The following SAMD12 variants were observed in gnomAD, a reference collection of about 807,000 sequenced individuals.
The protein encoded by SAMD12 is sterile alpha motif domain-containing protein 12.
SAMD12 carries 9 observed loss-of-function variants against 15.0 expected under a neutral mutation model. The ratio of observed to expected loss-of-function variants is 0.60; its 90% CI spans 0.36 to 1.05. SAMD12 has a LOEUF of 1.05. SAMD12 is among the 50% of genes least tolerant of loss of function. The pLI is 0.01. For synonymous variants in SAMD12, 86 were observed against 90.1 expected, an observed-to-expected ratio of 0.96 and a Z score of 0.25; for missense variants, 230 against 234.2, an observed-to-expected ratio of 0.98 and a Z score of 0.12.
chr8:118,584,397 T>C (rs1267979962), intron 1 of SAMD12, among the ~76,000 whole-genome samples: 1 of 152,188 alleles, frequency 6.6e-6, no homozygotes, highest in African/African-American at 2.4e-5. Flanking sequence ...CTTTTTTGTG[T>C]TCATCACTGC....
intron 1 of SAMD12, among the ~76,000 whole-genome samples, chr8:118,598,613 C>T (rs1001129337): frequency 1.3e-5 from 2 of 152,198 alleles, no homozygotes; most frequent in South Asian, 2.1e-4. Context: ...TTTATTTGAG[C>T]ACCTAGGTTG....
At chr8:118,595,524 G>A (rs1376827545) in intron 1 of SAMD12, among the ~76,000 whole-genome samples, 1 of 152,078 alleles carries the variant, frequency 6.6e-6, no homozygotes, top group Non-Finnish European at 1.5e-5. Context: ...TCAGGGAGAA[G>A]GGAAAAAAAA....
intron 1 of SAMD12, among the ~76,000 whole-genome samples, chr8:118,586,175 C>T (rs1002204716): frequency 3.9e-5 from 6 of 152,166 alleles, no homozygotes; most frequent in Admixed American, 6.5e-5. Flanking sequence ...TGCTTCTCTA[C>T]CTTGACAGAA....
intron 4 of SAMD12, among the ~76,000 whole-genome samples, chr8:118,330,089 A>G (rs760763914): frequency 2.6e-5 from 4 of 152,210 alleles, no homozygotes; most frequent in Non-Finnish European, 5.9e-5. Context: ...ATTGTCACCA[A>G]TGTAGCCATT....
intron 2 of SAMD12, among the ~76,000 whole-genome samples, chr8:118,548,384 T>TACACACACACACACAC (rs36228827): frequency 2.9e-5 from 4 of 139,800 alleles, no homozygotes; most frequent in East Asian, 2.1e-4. Context: ...AAAACACACA[T>TACACACACACACACAC]ACACACACAC....
intron 4 of SAMD12, among the ~76,000 whole-genome samples, chr8:118,201,064 C>T (rs1237175424): frequency 3.3e-5 from 5 of 152,194 alleles, no homozygotes; most frequent in Non-Finnish European, 7.3e-5. Flanking sequence ...CATCACTTTG[C>T]TAGAGACTTA....
At chr8:118,457,136 T>G (rs1349997038) in intron 2 of SAMD12, among the ~76,000 whole-genome samples, 1 of 152,168 alleles carries the variant, frequency 6.6e-6, no homozygotes, top group Non-Finnish European at 1.5e-5. Flanking sequence ...TAATAAATAG[T>G]ATTCTTTGCC....
chr8:118,409,636 A>C (rs879272146), intron 3 of SAMD12, among the ~76,000 whole-genome samples: 5 of 152,158 alleles, frequency 3.3e-5, no homozygotes, highest in Non-Finnish European at 7.3e-5. Flanking sequence ...ATAAATCCAC[A>C]GGCTTAAGGT....
intron 4 of SAMD12, among the ~76,000 whole-genome samples, chr8:118,326,489 A>G (rs1816570233): frequency 6.6e-6 from 1 of 152,178 alleles, no homozygotes; most frequent in South Asian, 2.1e-4. Flanking sequence ...GGAGGATGAC[A>G]AGTACCCAAG....
intron 2 of SAMD12, among the ~76,000 whole-genome samples, chr8:118,572,861 A>G (rs1051960702): frequency 3.3e-5 from 5 of 151,774 alleles, no homozygotes; most frequent in Non-Finnish European, 7.4e-5. Context: ...TGTAATCCCC[A>G]TAATCCCCAC....
chr8:118,432,417 A>T (rs570906999), intron 3 of SAMD12, among the ~76,000 whole-genome samples: 13 of 152,206 alleles, frequency 8.5e-5, no homozygotes, highest in Non-Finnish European at 1.9e-4. Context: ...AGGGACTGGA[A>T]GATAGCATTA....
chr8:118,253,817 T>C (rs1812871186), intron 4 of SAMD12, among the ~76,000 whole-genome samples: 1 of 152,164 alleles, frequency 6.6e-6, no homozygotes, highest in Non-Finnish European at 1.5e-5. Flanking sequence ...TTCTGCGAAA[T>C]CAAAACCCAC....
chr8:118,148,874 A>G, the SAMD12 span, among the ~76,000 whole-genome samples: 1 of 152,180 alleles, frequency 6.6e-6, no homozygotes, highest in Non-Finnish European at 1.5e-5. Flanking sequence ...GTTATTTTTA[A>G]CTGCTGAATA....
At chr8:118,361,947 G>C (rs1020759416) in intron 4 of SAMD12, among the ~76,000 whole-genome samples, 2 of 152,182 alleles carry the variant, frequency 1.3e-5, no homozygotes, top group African/African-American at 4.8e-5. Context: ...ATTTGACAGA[G>C]TGACATTTTC....
intron 4 of SAMD12, among the ~76,000 whole-genome samples, chr8:118,236,151 G>T (rs1812424974): frequency 6.6e-6 from 1 of 152,074 alleles, no homozygotes; most frequent in African/African-American, 2.4e-5. Flanking sequence ...CCCTTTAACA[G>T]ATTCTTCTAC....
At chr8:118,328,130 G>A (rs572738524) in intron 4 of SAMD12, among the ~76,000 whole-genome samples, 11 of 152,214 alleles carry the variant, frequency 7.2e-5, no homozygotes, top group East Asian at 1.9e-4. Context: ...AGACATGACC[G>A]TGCCTCCTCC....
At chr8:118,494,122 A>T (rs1287424052) in intron 2 of SAMD12, among the ~76,000 whole-genome samples, 1 of 152,166 alleles carries the variant, frequency 6.6e-6, no homozygotes, top group Non-Finnish European at 1.5e-5. Context: ...TCAGAGCAGG[A>T]GAGATCTGAA....
chr8:118,539,772 TC>T, intron 2 of SAMD12, among the ~76,000 whole-genome samples: 1 of 152,192 alleles, frequency 6.6e-6, no homozygotes, highest in Middle Eastern at 3.4e-3. Flanking sequence ...TCAAGTGCCA[TC>T]CATGGGTGGC....
At chr8:118,441,651 C>T (rs547477970) in intron 2 of SAMD12, among the ~76,000 whole-genome samples, 13 of 152,122 alleles carry the variant, frequency 8.5e-5, no homozygotes, top group South Asian at 2.1e-4. Context: ...GACATATATA[C>T]ATACATATGT....
Sources: gnomAD v4.1 joint callset for allele counts (sites outside exome capture counted in the v4.1 genomes callset) on GRCh38, gnomAD v4.1.1 for gene constraint, MANE v1.5 for transcripts, NCBI Gene and HGNC (gene_info 2026-07-23, HGNC 2026-07-21) for gene names.